The following SYNE1 variants were observed in gnomAD, a reference collection of about 807,000 sequenced individuals.
SYNE1 encodes the protein nesprin-1.
In SYNE1, 616 loss-of-function variants were observed where a neutral mutation model predicts 1,111.0. That is an observed-to-expected ratio of 0.55 (90% CI 0.52 to 0.59). SYNE1 has a LOEUF of 0.59. Ranked by LOEUF, SYNE1 falls within the 20% of genes least tolerant of loss-of-function variation. SYNE1 has a pLI of 0.00. For missense variants in SYNE1, 10,006 were observed against 10,417.0 expected (o/e 0.96, Z 1.72); for synonymous variants, 3,855 against 3,825.8 (o/e 1.01, Z -0.28).
chr6:152,299,617 G>A (rs1270345245), intron 93 of SYNE1, among the ~76,000 whole-genome samples: 1 of 151,836 alleles, frequency 6.6e-6, no homozygotes, highest in African/African-American at 2.4e-5. Context: ...AATTTCCCTA[G>A]AGCTATCCTG....
chr6:152,452,891 C>T (rs1287130550), intron 25 of SYNE1, among the ~76,000 whole-genome samples: 1 of 152,224 alleles, frequency 6.6e-6, no homozygotes, highest in Non-Finnish European at 1.5e-5. Flanking sequence ...CCCTTCTGTG[C>T]TGTTGTGTCA....
At chr6:152,525,633 A>T (rs1171311765) in intron 5 of SYNE1, among the ~76,000 whole-genome samples, 1 of 152,192 alleles carries the variant, frequency 6.6e-6, no homozygotes, top group Non-Finnish European at 1.5e-5. Flanking sequence ...GATGTCAACA[A>T]GAATATGAAA....
chr6:152,566,567 G>A (rs1258972543), intron 3 of SYNE1, among the ~76,000 whole-genome samples: 2 of 152,070 alleles, frequency 1.3e-5, no homozygotes, highest in South Asian at 2.1e-4. Flanking sequence ...GGTTAAAAGA[G>A]CATTTTTGGC....
chr6:152,142,035 C>T (rs567474893), intron 138 of SYNE1, among the ~76,000 whole-genome samples: 13 of 151,928 alleles, frequency 8.6e-5, no homozygotes, highest in African/African-American at 2.7e-4. Context: ...ACCATGACAC[C>T]GCACTCAAGC....
intron 144 of SYNE1, among the ~76,000 whole-genome samples, chr6:152,131,637 G>A (rs9397487): frequency 0.064 from 9,764 of 152,102 alleles, 407 homozygotes; most frequent in East Asian, 0.24. Context: ...CACAACTGCC[G>A]CAAACCTTCA....
chr6:152,284,255 T>C lies in SYNE1; in HGVS notation c.18013-83A>G, dbSNP rs796164211. 13 of 1,407,746 alleles carry C rather than the reference T, an allele frequency of 9.2e-6. No homozygotes were observed. In the African/African-American group the frequency reaches 9.9e-5, roughly 11 times the overall value. The allele number at this position is 1,407,746 out of a possible 1,614,324, so 87.2% of individuals were successfully genotyped here. A position where few individuals can be genotyped will look rare whatever the true frequency, so the allele number is the denominator to read the frequency against. On this transcript the variant is annotated intron_variant, in intron 95 of 145. Coordinates refer to ENST00000367255, the MANE Select transcript of SYNE1 (RefSeq NM_182961.4). The stretch of plus-strand genomic sequence containing the variant: ...TAGCACTAGCTGAGTCTCACATCCA[T>C]TGGGATTAGCGGAAGAGATTTCACC...
intron 5 of SYNE1, among the ~76,000 whole-genome samples, chr6:152,522,755 G>C (rs920463827): frequency 6.6e-6 from 1 of 152,082 alleles, no homozygotes; most frequent in South Asian, 2.1e-4. Context: ...ATTCTTGCAG[G>C]GGTAAGGTGG....
At chr6:152,429,278 T>C (rs1219429020) in intron 36 of SYNE1, among the ~76,000 whole-genome samples, 2 of 152,078 alleles carry the variant, frequency 1.3e-5, no homozygotes, top group Admixed American at 1.3e-4. Context: ...CTTTAGGAAA[T>C]CTAAATATCG....
At chr6:152,583,996 T>A (rs1372750833) in intron 3 of SYNE1, among the ~76,000 whole-genome samples, 1 of 152,156 alleles carries the variant, frequency 6.6e-6, no homozygotes, top group African/African-American at 2.4e-5. Context: ...AGGCAATGTA[T>A]AGGAAGGCAT....
At chr6:152,412,851 A>ATTTTTTTTTTTTTTT (rs373723820) in intron 42 of SYNE1, among the ~76,000 whole-genome samples, 3 of 131,660 alleles carry the variant, frequency 2.3e-5, no homozygotes, top group South Asian at 2.5e-4. Flanking sequence ...TTCACATGTA[A>ATTTTTTTTTTTTTTT]TTTTTTTTTT....
intron 133 of SYNE1, among the ~76,000 whole-genome samples, chr6:152,152,884 AGGGTC>A (rs2060701655): frequency 6.6e-6 from 1 of 152,172 alleles, no homozygotes; most frequent in Admixed American, 6.5e-5. Context: ...AGGCTATCCC[AGGGTC>A]AGTTTAGAGA....
intron 49 of SYNE1, 112 bp downstream of exon 49, chr6:152,398,507 G>C: frequency 1.2e-6 from 1 of 857,254 alleles, no homozygotes; most frequent in Non-Finnish European, 2.0e-6. Context: ...TTCTGTTAGG[G>C]ACGAGGAAAA....
rs2099690420 is a variant in SYNE1 at position 152,628,349 on chromosome 6, G to A, written c.-18C>T. On this transcript the variant is annotated 5_prime_UTR_variant, in exon 3 of 146. Transcript: ENST00000367255. ...GTTGCCATGGTCCCTCCGGAAGCACGAAGCCAACACCAAGAGACTCTTCAC... is the reference window on the plus strand; with the variant it reads ...GTTGCCATGGTCCCTCCGGAAGCACAAAGCCAACACCAAGAGACTCTTCAC... The A allele has an allele frequency of 6.2e-6, 10 of 1,613,910 alleles. No individual in the cohort carries two copies. The East Asian group carries it at 1.1e-4, about 18-fold the overall frequency.
At chr6:152,559,713 C>T (rs1028034075) in intron 3 of SYNE1, among the ~76,000 whole-genome samples, 1 of 151,818 alleles carries the variant, frequency 6.6e-6, no homozygotes, top group African/African-American at 2.4e-5. Context: ...AATTTTATAC[C>T]TCAAGGAGCT....
rs762448241 is a variant in SYNE1 at position 152,395,618 on chromosome 6, C to T, written c.7610G>A (p.Arg2537Lys). The T allele has an allele frequency of 6.2e-6, 10 of 1,614,042 alleles. No individual in the cohort carries two copies. In the Admixed American group the frequency reaches 1.0e-4, roughly 16 times the overall value. ...CTCTCCCAAGTTTTCCGTATTGAAC[C>T]TTTCTTCCATTTCATGGATCCATAA... ...LNLWIHEMEE[R>K]FNTENLGESK... Residue 2537 changes from arginine to lysine, a missense_variant, in exon 51 of 146, where the codon AGG becomes AAG. Arg to Lys is a conservative substitution (Grantham distance 26). This residue lies in a region of SYNE1 where 4,955 missense variants were observed against 5,017.2 expected (regional missense o/e 0.99). Coordinates refer to ENST00000367255, the MANE Select transcript of SYNE1 (RefSeq NM_182961.4).
chr6:152,351,884 G>A, intron 70 of SYNE1, 143 bp downstream of exon 70: 1 of 737,152 alleles, frequency 1.4e-6, no homozygotes, highest in Non-Finnish European at 2.3e-6. Flanking sequence ...CATAGGTCAT[G>A]GCATCACTGG....
intron 24 of SYNE1, 84 bp downstream of exon 24, chr6:152,455,342 A>G: frequency 6.9e-7 from 1 of 1,450,098 alleles, no homozygotes; most frequent in Non-Finnish European, 9.3e-7. Flanking sequence ...CTTCTGTATC[A>G]GATCAGCATG....
At chr6:152,385,268 G>A (rs144738016) in intron 55 of SYNE1, among the ~76,000 whole-genome samples, 1,868 of 152,266 alleles carry the variant, frequency 0.012, 10 homozygotes, top group Non-Finnish European at 0.019. Context: ...CTATTATGTT[G>A]TTGGATGTCG....
In SYNE1 at chr6:152,409,611, A is replaced by C; in HGVS notation, c.6329T>G (p.Val2110Gly). ...CTGATCTTTTATGGTAGTTCTGGTT[A>C]CAATCACACTGCTGGCATTTTCTAA... ...KVLENASSVI[V>G]TRTTIKDQED... The change falls in exon 43 of 146, where the codon GTA (valine) becomes GGA (glycine). Residue 2110 changes from valine (V) to glycine (G), a missense_variant. Physicochemically the swap from Val to Gly is moderately radical, Grantham distance 109. Transcript: ENST00000367255. 1 of 1,613,904 alleles carries C rather than the reference A, an allele frequency of 6.2e-7. No homozygotes were observed. Among genetic ancestry groups the C allele is most frequent in the Non-Finnish European group, 8.5e-7 (1 of 1,179,962 alleles).
Sources: allele counts gnomAD v4.1 joint callset (sites outside exome capture counted in the v4.1 genomes callset), GRCh38; gene constraint gnomAD v4.1.1; regional missense constraint gnomAD v4.1.1; transcripts MANE v1.5; gene names NCBI Gene and HGNC (gene_info 2026-07-23, HGNC 2026-07-21).